Variants in OR51E1 observed in about 807,000 individuals in gnomAD.
The protein encoded by OR51E1 is olfactory receptor family 51 subfamily E member 1.
Under a neutral mutation model 11.5 loss-of-function variants are expected in OR51E1, and 9 were observed. The ratio of observed to expected loss-of-function variants is 0.78; its 90% CI spans 0.47 to 1.37. The LOEUF is 1.37. OR51E1 is among the 40% of genes most tolerant of loss of function. The pLI, the probability that OR51E1 is intolerant of heterozygous loss-of-function variation, is 0.00. For synonymous variants in OR51E1, 168 were observed against 158.3 expected (o/e 1.06, Z -0.46); for missense variants, 397 against 410.2 (o/e 0.97, Z 0.28).
At position 4,653,368 on chromosome 11, in the gene OR51E1, T is replaced by A. The variant is rs1447185268; in HGVS notation, c.842T>A (p.Ile281Asn). Residue 281 changes from isoleucine (I) to asparagine (N), a missense_variant, in exon 2 of 2, where the codon ATC becomes AAC. Transcript: ENST00000396952. Reference protein sequence around the residue: ...DSPLPVILANIYLLVPPVLNP... With the variant: ...DSPLPVILANNYLLVPPVLNP... Reference sequence around the variant, plus strand: ...CCGCTGCCCGTCATCTTGGCCAATATCTATCTGCTGGTTCCTCCTGTGCTC... The same window carrying A: ...CCGCTGCCCGTCATCTTGGCCAATAACTATCTGCTGGTTCCTCCTGTGCTC... 5.0e-6 allele frequency: 8 copies of A among 1,613,946 alleles called. No homozygotes were observed. Among genetic ancestry groups the A allele is most frequent in the Non-Finnish European group, 4.2e-6 (5 of 1,179,944 alleles).
chr11:4,652,952 T>C lies in OR51E1; in HGVS notation c.426T>C (p.Pro142=), dbSNP rs1321105100. 11 of 1,606,350 alleles carry C rather than the reference T, an allele frequency of 6.8e-6. No individual in the cohort carries two copies. The highest frequency in any genetic ancestry group is 9.4e-6 in the Non-Finnish European group (11 of 1,175,712). Residue 142 remains proline, a synonymous_variant, in exon 2 of 2, where the codon CCT becomes CCC. Transcript: ENST00000396952. Reference sequence around the variant, plus strand: ...GCCATGCCACAGTACTTACGTTGCCTCGTGTCACCAAAATTGGTGTGGCTG... The same window carrying C: ...GCCATGCCACAGTACTTACGTTGCCCCGTGTCACCAAAATTGGTGTGGCTG... ...PLRHATVLTL[P]RVTKIGVAAV...
At position 4,653,204 on chromosome 11, in the gene OR51E1, G is replaced by T. The variant is rs765818486; in HGVS notation, c.678G>T (p.Lys226Asn). ...CCTTCTCATATCTGCTTATTCTTAA[G>T]ACTGTGTTGGGCTTGACACGTGAAG... Reference protein sequence around the residue: ...LISFSYLLILKTVLGLTREAQ... With the variant: ...LISFSYLLILNTVLGLTREAQ... Residue 226 changes from lysine (K) to asparagine (N), a missense_variant, in exon 2 of 2, where the codon AAG becomes AAT. By Grantham distance (94) the Lys-to-Asn change is moderately conservative. Coordinates refer to ENST00000396952, the MANE Select transcript of OR51E1 (RefSeq NM_152430.4). The T allele has an allele frequency of 8.7e-6, 14 of 1,614,072 alleles. No homozygotes were observed. Among genetic ancestry groups the T allele is most frequent in the Non-Finnish European group, 1.2e-5 (14 of 1,179,976 alleles).
intron 1 of OR51E1, 34 bp from the exon 2 acceptor site, chr11:4,652,454 A>G (rs955519581): frequency 1.0e-6 from 1 of 962,912 alleles, no homozygotes; most frequent in Non-Finnish European, 1.6e-6. Context: ...TGGGATGCTT[A>G]TGGATCTGAC....
In OR51E1 at chr11:4,653,196, A is replaced by G; in HGVS notation, c.670A>G (p.Ile224Val). Residue 224 changes from isoleucine to valine, a missense_variant, in exon 2 of 2, where the codon ATT becomes GTT. Transcript: ENST00000396952. ...TCTCATCTCCTTCTCATATCTGCTT[A>G]TTCTTAAGACTGTGTTGGGCTTGAC... ...SLLISFSYLL[I>V]LKTVLGLTRE... 1.2e-6 allele frequency: 2 copies of G among 1,614,066 alleles called. No homozygotes were observed. The highest frequency in any genetic ancestry group is 1.7e-6 in the Non-Finnish European group (2 of 1,179,994).
Position 4,655,101 on chromosome 11 carries a change from G to A in OR51E1, c.*1618G>A, listed in dbSNP as rs1398562988. ...GCTCATCATTGAATCCCCCAGCAAA[G>A]TGCCTAGAACATAATAGTGCTTATG... On this transcript the variant is annotated 3_prime_UTR_variant, in exon 2 of 2. Transcript: ENST00000396952. 1 of 167,096 alleles carries A rather than the reference G, an allele frequency of 6.0e-6. No homozygotes were observed. The highest frequency in any genetic ancestry group is 2.4e-5 in the African/African-American group (1 of 41,460). 10.4% of individuals were successfully genotyped at this position (167,096 alleles called of 1,614,324 possible). A position where few individuals can be genotyped will look rare whatever the true frequency, so the allele number is the denominator to read the frequency against.
At chr11:4,650,085 C>T (rs979533825) in intron 1 of OR51E1, among the ~76,000 whole-genome samples, 2 of 152,114 alleles carry the variant, frequency 1.3e-5, no homozygotes, top group African/African-American at 4.8e-5. Flanking sequence ...AGTTGAAAGA[C>T]AATTAGGTGA....
At chr11:4,647,566 G>C (rs34760847) in intron 1 of OR51E1, among the ~76,000 whole-genome samples, 1 of 152,108 alleles carries the variant, frequency 6.6e-6, no homozygotes, top group African/African-American at 2.4e-5. Flanking sequence ...TTCTAGGGAA[G>C]AATGTGAGGA....
At chr11:4,645,155 T>C (rs1003414453) in intron 1 of OR51E1, among the ~76,000 whole-genome samples, 3 of 152,210 alleles carry the variant, frequency 2.0e-5, no homozygotes, top group African/African-American at 7.2e-5. Flanking sequence ...ACTGAAATTT[T>C]ATTTGTTTAC....
At chr11:4,647,002 G>C (rs897396400) in intron 1 of OR51E1, among the ~76,000 whole-genome samples, 2 of 152,122 alleles carry the variant, frequency 1.3e-5, no homozygotes, top group African/African-American at 4.8e-5. Context: ...CCATAATATA[G>C]AGAGGATCCA....
At position 4,653,221 on chromosome 11, in the gene OR51E1, C is replaced by G; in HGVS notation, c.695C>G (p.Thr232Arg). 6.2e-7 allele frequency: 1 copy of G among 1,614,048 alleles called. No homozygotes were observed. The highest frequency in any genetic ancestry group is 1.1e-5 in the South Asian group (1 of 91,086). Residue 232 changes from threonine (T) to arginine (R), a missense_variant, in exon 2 of 2, where the codon ACA becomes AGA. Coordinates refer to ENST00000396952, the MANE Select transcript of OR51E1 (RefSeq NM_152430.4). ...LLILKTVLGL[T>R]REAQAKAFGT... ...ATTCTTAAGACTGTGTTGGGCTTGA[C>G]ACGTGAAGCCCAGGCCAAGGCATTT...
Position 4,652,805 on chromosome 11 carries a change from T to C in OR51E1, c.279T>C (p.Thr93=), listed in dbSNP as rs973256078. 6.2e-7 allele frequency: 1 copy of C among 1,614,222 alleles called. No homozygotes were observed. The highest frequency in any genetic ancestry group is 8.5e-7 in the Non-Finnish European group (1 of 1,180,030). Residue 93 remains threonine (T), a synonymous_variant, in exon 2 of 2, where the codon ACT becomes ACC. Coordinates refer to ENST00000396952, the MANE Select transcript of OR51E1 (RefSeq NM_152430.4). ...TGGCCATCTTCTGGTTCAATTCCAC[T>C]ACCATCCAGTTTGATGCTTGTCTGC... is the stretch of plus-strand genomic sequence containing the variant. ...KMLAIFWFNS[T]TIQFDACLLQ... is the part of the protein sequence containing the mutation.
In OR51E1 at chr11:4,654,148, C is replaced by T. The variant is rs1847140303; in HGVS notation, c.*665C>T. 1.8e-5 allele frequency: 3 copies of T among 166,960 alleles called. No homozygotes were observed. Among genetic ancestry groups the T allele is most frequent in the Admixed American group, 6.5e-5 (1 of 15,286 alleles). 10.3% of individuals were successfully genotyped at this position (166,960 alleles called of 1,614,324 possible). A position where few individuals can be genotyped will look rare whatever the true frequency, so the allele number is the denominator to read the frequency against. ...TAGGCAAAGATATTATTAGTACCCT[C>T]ATTGTAGCCATGGGAAAATTGATGT... On this transcript the variant is annotated 3_prime_UTR_variant, in exon 2 of 2. Transcript: ENST00000396952.
In OR51E1 at chr11:4,652,901, C is replaced by T. The variant is rs1847117692; in HGVS notation, c.375C>T (p.Arg125=). ...TGCTGCTGGCCATGGCTTTTGACCG[C>T]TATGTGGCCATCTGTCACCCACTGC... The part of the protein sequence containing the change: ...STVLLAMAFD[R]YVAICHPLRH... The change falls in exon 2 of 2, where the codon CGC becomes CGT. Residue 125 remains arginine (R), a synonymous_variant. Coordinates refer to ENST00000396952, the MANE Select transcript of OR51E1 (RefSeq NM_152430.4). 2.5e-6 allele frequency: 4 copies of T among 1,612,196 alleles called. No individual in the cohort carries two copies. The highest frequency in any genetic ancestry group is 3.4e-6 in the Non-Finnish European group (4 of 1,178,916).
intron 1 of OR51E1, among the ~76,000 whole-genome samples, chr11:4,651,730 T>C (rs1847101057): frequency 6.6e-6 from 1 of 152,236 alleles, no homozygotes; most frequent in Non-Finnish European, 1.5e-5. Context: ...AGAGCCATCA[T>C]TCTTTATTTG....
rs1341318654 is a variant in OR51E1 at position 4,653,878 on chromosome 11, A to T, written c.*395A>T. On this transcript the variant is annotated 3_prime_UTR_variant, in exon 2 of 2. Transcript: ENST00000396952. ...ATAAAATGAGATAATCTAGCTTAAA[A>T]CTATAACTTCCTCTTCAGAACTCCC... The T allele has an allele frequency of 5.8e-6, 1 of 171,028 alleles. No homozygotes were observed. The highest frequency in any genetic ancestry group is 1.4e-5 in the Non-Finnish European group (1 of 71,076). The allele number at this position is 171,028 out of a possible 1,614,324, so 10.6% of individuals were successfully genotyped here. A position where few individuals can be genotyped will look rare whatever the true frequency, so the allele number is the denominator to read the frequency against.
chr11:4,653,395 A>G lies in OR51E1; in HGVS notation c.869A>G (p.Asn290Ser). 1.2e-6 allele frequency: 2 copies of G among 1,614,026 alleles called. No individual in the cohort carries two copies. Among genetic ancestry groups the G allele is most frequent in the Non-Finnish European group, 1.7e-6 (2 of 1,179,988 alleles). ...TATCTGCTGGTTCCTCCTGTGCTCA[A>G]CCCAATTGTCTATGGAGTGAAGACA... is the stretch of plus-strand genomic sequence containing the variant. ...NIYLLVPPVL[N>S]PIVYGVKTKE... The change falls in exon 2 of 2, where the codon AAC becomes AGC. Residue 290 changes from asparagine (N) to serine (S), a missense_variant. Coordinates refer to ENST00000396952, the MANE Select transcript of OR51E1 (RefSeq NM_152430.4).
Position 4,653,468 on chromosome 11 carries a change from C to T in OR51E1, c.942C>T (p.His314=), listed in dbSNP as rs549451979. 84 of 1,602,316 alleles carry T rather than the reference C, an allele frequency of 5.2e-5. No individual in the cohort carries two copies. The highest frequency in any genetic ancestry group is 2.7e-4 in the Admixed American group (16 of 59,832). The part of the protein sequence containing the change: ...RILRLFHVAT[H]ASEP ...TTCGACTTTTCCATGTGGCCACACA[C>T]GCTTCAGAGCCCTAGGTGTCAGTGA... Residue 314 remains histidine (H), a synonymous_variant, in exon 2 of 2, where the codon CAC becomes CAT. Transcript: ENST00000396952.
At chr11:4,648,186 C>T (rs1847051976) in intron 1 of OR51E1, among the ~76,000 whole-genome samples, 1 of 152,248 alleles carries the variant, frequency 6.6e-6, no homozygotes, top group Non-Finnish European at 1.5e-5. Context: ...ACTGCCTAGG[C>T]ACCTCCTTCC....
At chr11:4,649,534 A>G (rs1847069143) in intron 1 of OR51E1, among the ~76,000 whole-genome samples, 1 of 152,228 alleles carries the variant, frequency 6.6e-6, no homozygotes, top group Non-Finnish European at 1.5e-5. Flanking sequence ...CGGATGATGA[A>G]AGTCAGATCT....
Sources: allele counts gnomAD v4.1 joint callset (sites outside exome capture counted in the v4.1 genomes callset), GRCh38; gene constraint gnomAD v4.1.1; transcripts MANE v1.5; gene names NCBI Gene and HGNC (gene_info 2026-07-23, HGNC 2026-07-21).